Variants in TGFBR3 observed in about 807,000 individuals in gnomAD.
TGFBR3 encodes the protein transforming growth factor beta receptor 3, also known as transforming growth factor beta receptor type 3.
Under a neutral mutation model 87.9 loss-of-function variants are expected in TGFBR3, and 46 were observed. The ratio of observed to expected loss-of-function variants is 0.52; its 90% CI spans 0.41 to 0.67. The LOEUF (loss-of-function observed/expected upper bound fraction) is 0.67. TGFBR3 is among the 30% of genes least tolerant of loss of function. TGFBR3 has a pLI of 0.00. For missense variants in TGFBR3, 866 were observed against 1,041.9 expected (o/e 0.83, Z 2.32); for synonymous variants, 381 against 391.6 (o/e 0.97, Z 0.32).
At chr1:91,884,196 T>TACA (rs146891649) in intron 1 of TGFBR3, among the ~76,000 whole-genome samples, 2 of 151,050 alleles carry the variant, frequency 1.3e-5, no homozygotes, top group Non-Finnish European at 3.0e-5. Flanking sequence ...AGCGCGCGCC[T>TACA]GTAGTCCCAG....
At chr1:91,821,328 CAAAAAAAAAAAAAA>C (rs35313779) in intron 2 of TGFBR3, among the ~76,000 whole-genome samples, 2 of 77,590 alleles carry the variant, frequency 2.6e-5, no homozygotes, top group African/African-American at 1.0e-4. Flanking sequence ...AAGACTGTCT[CAAAAAAAAAAAAAA>C]AAAAAAAAAA....
intron 5 of TGFBR3, among the ~76,000 whole-genome samples, chr1:91,731,366 C>A (rs562271299): frequency 6.6e-6 from 1 of 152,284 alleles, no homozygotes; most frequent in African/African-American, 2.4e-5. Context: ...CACCCCAGAA[C>A]AAAGGGGACC....
chr1:91,882,840 C>T (rs1054145828), intron 1 of TGFBR3, among the ~76,000 whole-genome samples: 1 of 152,160 alleles, frequency 6.6e-6, no homozygotes, highest in Non-Finnish European at 1.5e-5. Flanking sequence ...TTCATAGACA[C>T]ATCACACTTA....
At chr1:91,737,661 C>T (rs564652209) in intron 4 of TGFBR3, among the ~76,000 whole-genome samples, 4 of 152,288 alleles carry the variant, frequency 2.6e-5, no homozygotes, top group African/African-American at 4.8e-5. Flanking sequence ...CGTCTTTCTT[C>T]CATGAGACAA....
intron 2 of TGFBR3, among the ~76,000 whole-genome samples, chr1:91,857,373 T>A (rs2101172640): frequency 6.6e-6 from 1 of 151,206 alleles, no homozygotes; most frequent in Admixed American, 6.6e-5. Context: ...AAAAAAAAAA[T>A]TAAGCACCTA....
chr1:91,727,048 C>G (rs1372439089), intron 7 of TGFBR3, among the ~76,000 whole-genome samples: 1 of 152,182 alleles, frequency 6.6e-6, no homozygotes, highest in Non-Finnish European at 1.5e-5. Context: ...AAATAGAGGG[C>G]CTTGGGAACA....
At chr1:91,832,456 G>A (rs965249021) in intron 2 of TGFBR3, among the ~76,000 whole-genome samples, 1 of 152,146 alleles carries the variant, frequency 6.6e-6, no homozygotes, top group Middle Eastern at 3.4e-3. Context: ...ATTGTGCAAG[G>A]GTCTCTTCTA....
chr1:91,829,988 C>G (rs890197529), intron 2 of TGFBR3: 1 of 152,166 alleles, frequency 6.6e-6, no homozygotes, highest in African/African-American at 2.4e-5. Context: ...GCATAGTGCA[C>G]TACAACAGCC....
At position 91,894,896 on chromosome 1, in the gene TGFBR3, G is replaced by A. The variant is rs191139974; in HGVS notation, c.-114+4741C>T. Among the ~76,000 whole-genome samples the A allele has an allele frequency of 2.7e-3, 411 of 152,150 alleles. 2 individuals are homozygous for A. The highest frequency in any genetic ancestry group is 8.7e-3 in the African/African-American group (363 of 41,528). On this transcript the variant is annotated intron_variant, in intron 2 of 17. Coordinates refer to the TGFBR3 transcript ENST00000370399. ...AGAGATTCTCCTGCCTCAGCCTCCC[G>A]AGTAGCTGGGACTACAGGTATGTAC...
chr1:91,835,827 C>CA lies in TGFBR3; in HGVS notation c.61+25643dup, dbSNP rs57326419. Among the ~76,000 whole-genome samples, 422 of 74,720 alleles carry CA rather than the reference C, an allele frequency of 5.6e-3. 66 individuals carry two copies. The highest frequency in any genetic ancestry group is 9.9e-3 in the African/African-American group (238 of 24,112). The allele number at this position is 74,720 out of a possible 152,430, so 49.0% of individuals were successfully genotyped here. On this transcript the variant is annotated intron_variant, in intron 2 of 16. Coordinates refer to ENST00000212355, the MANE Select transcript of TGFBR3 (RefSeq NM_003243.5). The stretch of plus-strand genomic sequence containing the variant: ...TGGGTGACAGAGCGAGACTCCACCT[C>CA]AAAAAAAAAAAAAAAAAAAAAAAAA...
chr1:91,833,429 C>T (rs1348913112), intron 2 of TGFBR3, among the ~76,000 whole-genome samples: 1 of 139,090 alleles, frequency 7.2e-6, no homozygotes, highest in Non-Finnish European at 1.5e-5. Flanking sequence ...CCACTGCACT[C>T]CACCCTGGGC....
intron 3 of TGFBR3, 62 bp downstream of exon 3, chr1:91,797,225 G>A (rs2101005266): frequency 6.4e-7 from 1 of 1,569,204 alleles, no homozygotes; most frequent in East Asian, 2.2e-5. Context: ...AAGGACTTCT[G>A]TCCAGAAAAT....
At chr1:91,777,715 G>A (rs1047177632) in intron 3 of TGFBR3, among the ~76,000 whole-genome samples, 2 of 152,004 alleles carry the variant, frequency 1.3e-5, no homozygotes, top group Admixed American at 6.6e-5. Flanking sequence ...TTTCTATCTC[G>A]TGTATTTAGG....
At chr1:91,746,218 C>T (rs757738722) in intron 4 of TGFBR3, among the ~76,000 whole-genome samples, 2 of 152,136 alleles carry the variant, frequency 1.3e-5, no homozygotes, top group African/African-American at 2.4e-5. Flanking sequence ...CCCATGGAAA[C>T]GTTATCAGAA....
intron 4 of TGFBR3, among the ~76,000 whole-genome samples, chr1:91,752,254 C>T (rs1346672866): frequency 1.3e-5 from 2 of 152,130 alleles, no homozygotes; most frequent in Non-Finnish European, 2.9e-5. Context: ...ACTACATGGG[C>T]ACACTAACAA....
At chr1:91,861,436 T>C (rs748339610) in intron 2 of TGFBR3, 35 bp downstream of exon 2, 4 of 1,513,734 alleles carry the variant, frequency 2.6e-6, no homozygotes, top group Non-Finnish European at 1.8e-6. Context: ...TCCAAAAATA[T>C]ATAACAAATA....
intron 14 of TGFBR3, among the ~76,000 whole-genome samples, chr1:91,703,621 T>C (rs1671694688): frequency 6.6e-6 from 1 of 152,168 alleles, no homozygotes; most frequent in South Asian, 2.1e-4. Context: ...TCTTTCACAA[T>C]TTAAAAAAAA....
At chr1:91,716,117 C>A in intron 12 of TGFBR3, 119 bp downstream of exon 12, 1 of 1,247,650 alleles carries the variant, frequency 8.0e-7, no homozygotes, top group Non-Finnish European at 1.2e-6. Context: ...CCTCATCAGA[C>A]CTGTTGAAGG....
upstream of TGFBR3, among the ~76,000 whole-genome samples, chr1:91,887,606 G>C (rs367800598): frequency 6.8e-4 from 104 of 152,134 alleles, 2 homozygotes; most frequent in South Asian, 0.021. Context: ...AGAATGAGGA[G>C]GCTTCTTATG....
Sources: gnomAD v4.1 joint callset for allele counts (sites outside exome capture counted in the v4.1 genomes callset) on GRCh38, gnomAD v4.1.1 for gene constraint, MANE v1.5 for transcripts, NCBI Gene and HGNC (gene_info 2026-07-23, HGNC 2026-07-21) for gene names.